The following TBC1D8 variants were observed in gnomAD, a reference collection of about 807,000 sequenced individuals.
TBC1D8 encodes TBC1 domain family member 8, also known as BUB2-like protein 1.
In TBC1D8, 65 loss-of-function variants were observed where a neutral mutation model predicts 118.8. The observed-to-expected ratio is 0.55, with a 90% CI of 0.45 to 0.67. The LOEUF (loss-of-function observed/expected upper bound fraction) is 0.67, where lower values mean the gene tolerates loss of function less well. Ranked by LOEUF, TBC1D8 falls within the 30% of genes least tolerant of loss-of-function variation. The probability of loss-of-function intolerance (pLI) is 0.00; values close to 1 mark genes in which losing one functional copy is unlikely to be tolerated. For missense variants in TBC1D8, 1,376 were observed against 1,471.2 expected, an observed-to-expected ratio of 0.94 and a Z score of 1.06; for synonymous variants, 566 against 595.8, an observed-to-expected ratio of 0.95 and a Z score of 0.73.
rs540497764 is a variant in TBC1D8, at chr2:101,030,907, C to T, written c.1937-1131G>A. ...CAAAAGACCCTGTCCTCCATGATTACATTTATACAAGGTTCAAGAGTAGGC... is the reference window on the plus strand; with the variant it reads ...CAAAAGACCCTGTCCTCCATGATTATATTTATACAAGGTTCAAGAGTAGGC... On this transcript the variant is annotated intron_variant, in intron 11 of 19. Transcript: ENST00000409318. Among the ~76,000 whole-genome samples the T allele has an allele frequency of 5.3e-5, 8 of 152,324 alleles. No homozygotes were observed. The South Asian group carries it at 1.7e-3, about 32-fold the overall frequency.
At chr2:101,084,071 C>A (rs992279150) in intron 2 of TBC1D8, among the ~76,000 whole-genome samples, 1 of 152,130 alleles carries the variant, frequency 6.6e-6, no homozygotes, top group Non-Finnish European at 1.5e-5. Context: ...AGACCTGGCC[C>A]GGGTCAGGCC....
rs562777028 is a variant in TBC1D8 at position 101,118,207 on chromosome 2, G to GGGGCCTGGCTT, written c.128-27854_128-27844dup. On this transcript the variant is annotated intron_variant, in intron 1 of 19. Transcript: ENST00000409318. ...GCCCTGGGTTCTAATGGGCCAGGTTGGGGCCTGGCTTTCAGTACTTTTTTT... is the reference window on the plus strand; with the variant it reads ...GCCCTGGGTTCTAATGGGCCAGGTTGGGGCCTGGCTTGGGCCTGGCTTTCAGTACTTTTTTT... Among the ~76,000 whole-genome samples the GGGGCCTGGCTT allele has an allele frequency of 8.5e-4, 130 of 152,260 alleles. 1 individual carries two copies. Among genetic ancestry groups the GGGGCCTGGCTT allele is most frequent in the African/African-American group, 2.9e-3 (119 of 41,562 alleles).
chr2:101,028,841 C>T (rs1241339125), intron 12 of TBC1D8, among the ~76,000 whole-genome samples: 2 of 152,206 alleles, frequency 1.3e-5, no homozygotes, highest in East Asian at 3.9e-4. Flanking sequence ...AAAATGTCTG[C>T]AACCTCTAGC....
At chr2:101,050,989 C>T (rs1159052721) in intron 4 of TBC1D8, among the ~76,000 whole-genome samples, 1 of 152,178 alleles carries the variant, frequency 6.6e-6, no homozygotes, top group Non-Finnish European at 1.5e-5. Flanking sequence ...TTAGCTCCCA[C>T]TTCTAAGTGG....
chr2:101,114,884 A>C (rs1677749385), intron 1 of TBC1D8, among the ~76,000 whole-genome samples: 1 of 147,746 alleles, frequency 6.8e-6, no homozygotes, highest in South Asian at 2.1e-4. Flanking sequence ...AAACACCCAG[A>C]ACAGGGGTGC....
At chr2:101,010,377 T>C (rs994601279) in intron 19 of TBC1D8, among the ~76,000 whole-genome samples, 2 of 152,158 alleles carry the variant, frequency 1.3e-5, no homozygotes, top group African/African-American at 4.8e-5. Context: ...GGAATAAATC[T>C]GTATCACAAC....
chr2:101,030,278 T>C (rs560939723), intron 11 of TBC1D8, among the ~76,000 whole-genome samples: 3 of 152,356 alleles, frequency 2.0e-5, no homozygotes, highest in Middle Eastern at 3.4e-3. Context: ...GCAATCCATA[T>C]GCCTGACAGA....
chr2:101,080,329 C>T (rs1675178499), intron 2 of TBC1D8, among the ~76,000 whole-genome samples: 1 of 152,092 alleles, frequency 6.6e-6, no homozygotes, highest in Non-Finnish European at 1.5e-5. Flanking sequence ...GCTTCCCAGA[C>T]TTTCCTTGAA....
chr2:101,028,954 T>C (rs983326466), intron 12 of TBC1D8, among the ~76,000 whole-genome samples: 5 of 152,312 alleles, frequency 3.3e-5, no homozygotes, highest in African/African-American at 9.6e-5. Context: ...AAGAAAAGCA[T>C]CTATGGCCCT....
At chr2:101,091,112 A>G (rs1574015811) in intron 1 of TBC1D8, among the ~76,000 whole-genome samples, 1 of 151,662 alleles carries the variant, frequency 6.6e-6, no homozygotes, top group Non-Finnish European at 1.5e-5. Flanking sequence ...GTGAAACCCC[A>G]TCTCTACTAA....
In TBC1D8 at chr2:101,151,327, C is replaced by G. The variant is rs1474555315; in HGVS notation, c.-74G>C. 9.2e-7 allele frequency: 1 copy of G among 1,090,968 alleles called. No individual in the cohort carries two copies. Among genetic ancestry groups the G allele is most frequent in the African/African-American group, 1.7e-5 (1 of 58,830 alleles). The allele number at this position is 1,090,968 out of a possible 1,614,324, so 67.6% of individuals were successfully genotyped here. On this transcript the variant is annotated 5_prime_UTR_variant, in exon 1 of 20. Coordinates refer to ENST00000409318, the MANE Select transcript of TBC1D8 (RefSeq NM_001330348.2). ...CGCCGGTCGCTGTGAGCCGAGCCCGCTCGAGAGGCGACGGCGGCGCGCGGG... is the reference window on the plus strand; with the variant it reads ...CGCCGGTCGCTGTGAGCCGAGCCCGGTCGAGAGGCGACGGCGGCGCGCGGG...
At position 101,050,556 on chromosome 2, in the gene TBC1D8, C is replaced by T. The variant is rs375205349; in HGVS notation, c.717G>A (p.Thr239=). ...VFLTDTIRIT[T]QNKERDFSMF... is the part of the protein sequence containing the mutation. ...TGGAGAAGTCACGCTCCTTATTCTG[C>T]GTGGTGATTCGGATGGTATCCGTCA... Residue 239 remains threonine (T), a synonymous_variant, in exon 5 of 20, where the codon ACG becomes ACA. Transcript: ENST00000409318. 1.4e-5 allele frequency: 23 copies of T among 1,613,876 alleles called. No homozygotes were observed. Among genetic ancestry groups the T allele is most frequent in the African/African-American group, 1.2e-4 (9 of 74,932 alleles).
chr2:101,117,826 C>T (rs544046782), intron 1 of TBC1D8, among the ~76,000 whole-genome samples: 1 of 149,998 alleles, frequency 6.7e-6, no homozygotes, highest in African/African-American at 2.4e-5. Context: ...CCGCCCGGCT[C>T]GGCCTCCCAA....
At chr2:101,014,616 T>C (rs897228253) in intron 17 of TBC1D8, among the ~76,000 whole-genome samples, 1 of 152,250 alleles carries the variant, frequency 6.6e-6, no homozygotes, top group African/African-American at 2.4e-5. Context: ...TGGTGAGCCT[T>C]CTTCCCCTAT....
rs535972989 is a variant in TBC1D8, at chr2:101,121,923, A to G, written c.127+29204T>C. ...TCTACTAAAAATACAAAAATCAGCCAGGCATGGCGGCAGGCGCTTATAGTC... is the reference window on the plus strand; with the variant it reads ...TCTACTAAAAATACAAAAATCAGCCGGGCATGGCGGCAGGCGCTTATAGTC... On this transcript the variant is annotated intron_variant, in intron 1 of 19. Coordinates refer to ENST00000409318, the MANE Select transcript of TBC1D8 (RefSeq NM_001330348.2). 5.3e-5 allele frequency among the ~76,000 whole-genome samples: 8 copies of G among 152,146 alleles called. 1 individual carries two copies. In the East Asian group the frequency reaches 1.4e-3, roughly 26 times the overall value.
At chr2:101,077,897 CT>C in intron 2 of TBC1D8, among the ~76,000 whole-genome samples, 1 of 152,268 alleles carries the variant, frequency 6.6e-6, no homozygotes, top group South Asian at 2.1e-4. Flanking sequence ...AGATTGGCAA[CT>C]TCTCCAATTA....
chr2:101,151,287 T>C lies in TBC1D8; in HGVS notation c.-34A>G. The stretch of plus-strand genomic sequence containing the variant: ...TCCGGCCGCGCCCGCCGGCCCCAGC[T>C]CACATCTCCCCGGCCGCCGGTCGCT... On this transcript the variant is annotated 5_prime_UTR_variant, in exon 1 of 20. The change abolishes the stop of an existing upstream ORF in the 5' untranslated region. Coordinates refer to ENST00000409318, the MANE Select transcript of TBC1D8 (RefSeq NM_001330348.2). 2 of 1,122,006 alleles carry C rather than the reference T, an allele frequency of 1.8e-6. No homozygotes were observed. Among genetic ancestry groups the C allele is most frequent in the Non-Finnish European group, 2.2e-6 (2 of 903,508 alleles). 69.5% of individuals were successfully genotyped at this position (1,122,006 alleles called of 1,614,324 possible).
intron 1 of TBC1D8, among the ~76,000 whole-genome samples, chr2:101,145,718 G>A (rs1679292560): frequency 1.3e-5 from 2 of 152,188 alleles, no homozygotes; most frequent in Non-Finnish European, 2.9e-5. Context: ...GGCACAGCAT[G>A]AGCACTCACA....
chr2:101,041,716 C>CA (rs200116258), intron 5 of TBC1D8, among the ~76,000 whole-genome samples: 33 of 148,698 alleles, frequency 2.2e-4, no homozygotes, highest in South Asian at 1.7e-3. Context: ...AATTAAATCT[C>CA]AAAAAAAAAA....
Sources: gnomAD v4.1 joint callset for allele counts (sites outside exome capture counted in the v4.1 genomes callset) on GRCh38, gnomAD v4.1.1 for gene constraint, MANE v1.5 for transcripts, NCBI Gene and HGNC (gene_info 2026-07-23, HGNC 2026-07-21) for gene names.